Variants in DRC2 observed in about 807,000 individuals in gnomAD.
The protein encoded by DRC2 is coiled-coil domain containing 65.
chr12:48,907,050 C>T, the DRC2 span, among the ~76,000 whole-genome samples: 2 of 151,668 alleles, frequency 1.3e-5, no homozygotes, highest in South Asian at 2.1e-4. Flanking sequence ...CCCATCTCTA[C>T]TAAAAATACA....
At chr12:48,904,829 C>A in the DRC2 span, 36 of 833,764 alleles carry the variant, frequency 4.3e-5, 1 homozygote, top group East Asian at 9.5e-4. Flanking sequence ...TCCCTAAATG[C>A]CATCAGGCCG....
the DRC2 span, chr12:48,904,569 G>C: frequency 6.8e-7 from 1 of 1,462,628 alleles, no homozygotes; most frequent in Non-Finnish European, 9.2e-7. Context: ...CCCCTCCTCC[G>C]GAAATCCTGA....
the DRC2 span, among the ~76,000 whole-genome samples, chr12:48,920,290 A>G: frequency 3.4e-5 from 5 of 149,168 alleles, no homozygotes; most frequent in Non-Finnish European, 5.9e-5. Flanking sequence ...AAAAATACAA[A>G]ATTAGCCAGG....
chr12:48,919,848 T>C, the DRC2 span, among the ~76,000 whole-genome samples: 2 of 149,752 alleles, frequency 1.3e-5, no homozygotes, highest in East Asian at 4.3e-4. Flanking sequence ...TGGCCAGGCA[T>C]GGTGGCTCAT....
the DRC2 span, chr12:48,904,525 T>C: frequency 6.4e-7 from 1 of 1,565,884 alleles, no homozygotes; most frequent in Non-Finnish European, 8.6e-7. Flanking sequence ...GCCCTGGCCC[T>C]GTCACTGAGG....
the DRC2 span, among the ~76,000 whole-genome samples, chr12:48,916,712 G>A: frequency 2.6e-5 from 4 of 152,140 alleles, no homozygotes; most frequent in Non-Finnish European, 5.9e-5. Context: ...AGGGAACAGG[G>A]ATGGGAGAGA....
the DRC2 span, chr12:48,914,570 A>G: frequency 1.2e-6 from 2 of 1,613,832 alleles, no homozygotes; most frequent in Non-Finnish European, 1.7e-6. Context: ...TTTGAGACAG[A>G]AAGGTATGGG....
the DRC2 span, chr12:48,920,873 A>T: frequency 6.5e-7 from 1 of 1,535,648 alleles, no homozygotes; most frequent in Non-Finnish European, 8.8e-7. Context: ...AACCAACTCC[A>T]CTAGCTTCCC....
the DRC2 span, among the ~76,000 whole-genome samples, chr12:48,910,023 G>A: frequency 5.3e-5 from 8 of 151,686 alleles, no homozygotes; most frequent in East Asian, 1.2e-3. Flanking sequence ...CAGGTGATCC[G>A]CCTGCCTCAG....
chr12:48,910,520 G>C, the DRC2 span, among the ~76,000 whole-genome samples: 1 of 152,114 alleles, frequency 6.6e-6, no homozygotes, highest in Non-Finnish European at 1.5e-5. Context: ...GGGCAATTCT[G>C]TAAATGCTTT....
At chr12:48,914,542 G>T in the DRC2 span, 9 of 1,614,152 alleles carry the variant, frequency 5.6e-6, no homozygotes, top group South Asian at 1.1e-5. Flanking sequence ...CATGGAGCTG[G>T]AAGCCCTAAC....
At chr12:48,918,177 A>G in the DRC2 span, 6 of 1,131,682 alleles carry the variant, frequency 5.3e-6, no homozygotes, top group East Asian at 4.7e-5. Context: ...GTACTAAACT[A>G]TGCTACAAAC....
At chr12:48,907,651 A>G in the DRC2 span, among the ~76,000 whole-genome samples, 2 of 152,336 alleles carry the variant, frequency 1.3e-5, no homozygotes, top group East Asian at 3.9e-4. Context: ...GAAACTGCTC[A>G]GGTAAAGGCC....
At chr12:48,911,673 A>G in the DRC2 span, among the ~76,000 whole-genome samples, 1 of 152,106 alleles carries the variant, frequency 6.6e-6, no homozygotes, top group African/African-American at 2.4e-5. Context: ...GTTAGTCTCA[A>G]ACTCTTGGCC....
the DRC2 span, chr12:48,904,302 C>A: frequency 6.3e-7 from 1 of 1,597,590 alleles, no homozygotes; most frequent in Non-Finnish European, 8.5e-7. Context: ...CGAGGCAGAC[C>A]GAGGCTTCTT....
chr12:48,904,389 T>G, the DRC2 span: 3 of 1,614,050 alleles, frequency 1.9e-6, no homozygotes, highest in Non-Finnish European at 2.5e-6. Context: ...GAGAAGCAGC[T>G]GCTTCTGTTT....
the DRC2 span, chr12:48,904,990 T>G: frequency 6.2e-7 from 1 of 1,613,172 alleles, no homozygotes; most frequent in Non-Finnish European, 8.5e-7. Context: ...TGAACCTTAA[T>G]AAGATTAACA....
chr12:48,918,689 C>T, the DRC2 span: 1 of 1,613,068 alleles, frequency 6.2e-7, no homozygotes, highest in Non-Finnish European at 8.5e-7. Context: ...CTCTAGGATG[C>T]CATAACTATT....
the DRC2 span, among the ~76,000 whole-genome samples, chr12:48,912,924 T>C: frequency 1.3e-5 from 2 of 151,708 alleles, no homozygotes; most frequent in African/African-American, 4.8e-5. Context: ...GATCACAAGG[T>C]CAAGAGATCG....
Sources: allele counts gnomAD v4.1 joint callset (sites outside exome capture counted in the v4.1 genomes callset), GRCh38; gene constraint gnomAD v4.1.1; transcripts MANE v1.5; gene names NCBI Gene and HGNC (gene_info 2026-07-23, HGNC 2026-07-21).